GRIN1: variants seen among roughly 807,000 people sequenced by gnomAD.
The protein encoded by GRIN1 is glutamate ionotropic receptor NMDA type subunit 1, also known as glutamate receptor ionotropic, NMDA 1.
GRIN1 carries 38 observed loss-of-function variants against 103.0 expected under a neutral mutation model. That is an observed-to-expected ratio of 0.37 (90% confidence interval 0.28 to 0.48). The LOEUF is 0.48. GRIN1 is among the 20% of genes least tolerant of loss of function. The probability of loss-of-function intolerance (pLI) is 0.98; values close to 1 mark genes in which losing one functional copy is unlikely to be tolerated. For missense variants in GRIN1, 577 were observed against 1,288.9 expected (o/e 0.45, Z 8.46); for synonymous variants, 544 against 532.7 (o/e 1.02, Z -0.29).
intron 19 of GRIN1, among the ~76,000 whole-genome samples, chr9:137,165,918 G>A (rs1345733890): frequency 2.6e-5 from 4 of 152,222 alleles, no homozygotes; most frequent in Non-Finnish European, 4.4e-5. Context: ...GCCTGGGTCC[G>A]TCTGGGTGGA....
At chr9:137,150,855 A>G (rs1251351851) in intron 4 of GRIN1, among the ~76,000 whole-genome samples, 3 of 145,368 alleles carry the variant, frequency 2.1e-5, no homozygotes, top group Non-Finnish European at 4.5e-5. Context: ...GCCAGATAAA[A>G]GCTCAGCCCA....
rs78165246 is a variant in GRIN1 at position 137,146,602 on chromosome 9, T to G, written c.570+700T>G. 2.0e-5 allele frequency among the ~76,000 whole-genome samples: 3 copies of G among 152,170 alleles called. No individual in the cohort carries two copies. In the East Asian group the frequency reaches 5.8e-4, roughly 30 times the overall value. ...GCTGCAGAGAGATCAGAGCTGGGAT[T>G]TGGGGGGGTCCGAGCGACCCCTTTC... On this transcript the variant is annotated intron_variant, in intron 3 of 19. Coordinates refer to ENST00000371561, the MANE Select transcript of GRIN1 (RefSeq NM_007327.4). This position sits in a 1 kb window ranked among gnomAD's most constrained non-coding sequence, Gnocchi z 6.7.
chr9:137,167,903 G>A lies in GRIN1; in HGVS notation c.*376G>A. The stretch of plus-strand genomic sequence containing the variant: ...GCCAAGGACACTGATGGGTCCTGCT[G>A]CTCGGGAAGGCCTGAGGGAAGCCCA... On this transcript the variant is annotated 3_prime_UTR_variant, in exon 20 of 20. Coordinates refer to ENST00000371561, the MANE Select transcript of GRIN1 (RefSeq NM_007327.4). 2 of 1,474,722 alleles carry A rather than the reference G, an allele frequency of 1.4e-6. No homozygotes were observed. The highest frequency in any genetic ancestry group is 4.6e-5 in the East Asian group (2 of 43,942). 91.4% of individuals were successfully genotyped at this position (1,474,722 alleles called of 1,614,324 possible).
At chr9:137,150,861 G>A (rs1323852499) in intron 4 of GRIN1, among the ~76,000 whole-genome samples, 1 of 124,514 alleles carries the variant, frequency 8.0e-6, no homozygotes, top group East Asian at 2.7e-4. Flanking sequence ...TAAAAGCTCA[G>A]CCCAGGGAAA....
intron 4 of GRIN1, among the ~76,000 whole-genome samples, chr9:137,154,237 G>A (rs1833087888): frequency 6.7e-6 from 1 of 149,122 alleles, no homozygotes; most frequent in Admixed American, 6.7e-5. Context: ...TGATTCTCGT[G>A]CCTCAGCCTC....
At chr9:137,161,878 C>A in intron 10 of GRIN1, 46 bp from the exon 11 acceptor site, 1 of 1,542,352 alleles carries the variant, frequency 6.5e-7, no homozygotes, top group Non-Finnish European at 8.7e-7. Context: ...GTGGCGGGAG[C>A]TGGGAGGACG....
At chr9:137,149,822 A>G (rs1171921744) in intron 4 of GRIN1, among the ~76,000 whole-genome samples, 1 of 152,218 alleles carries the variant, frequency 6.6e-6, no homozygotes, top group Non-Finnish European at 1.5e-5. Context: ...CTAGGCTCCA[A>G]CAGAGCGGAG....
At chr9:137,147,879 G>A (rs910293404) in intron 3 of GRIN1, among the ~76,000 whole-genome samples, 1 of 152,148 alleles carries the variant, frequency 6.6e-6, no homozygotes. Flanking sequence ...AACGGTGGAC[G>A]CGGACAGGGC....
In GRIN1 at chr9:137,139,383, G is replaced by T. The variant is rs1393135291; in HGVS notation, c.-104G>T. 5 of 726,090 alleles carry T rather than the reference G, an allele frequency of 6.9e-6. No homozygotes were observed. The African/African-American group carries it at 9.3e-5, about 14-fold the overall frequency. The allele number at this position is 726,090 out of a possible 1,614,324, so 45.0% of individuals were successfully genotyped here. A position where few individuals can be genotyped will look rare whatever the true frequency, so the allele number is the denominator to read the frequency against. On this transcript the variant is annotated 5_prime_UTR_variant, in exon 1 of 20. Coordinates refer to ENST00000371561, the MANE Select transcript of GRIN1 (RefSeq NM_007327.4). This position sits in a 1 kb window ranked among gnomAD's most constrained non-coding sequence, Gnocchi z 7.7. Reference sequence around the variant, plus strand: ...CTCCGGGGGAGACGTGGCGTCCGCAGCCCGCGGGGCCGGGCGAGCGCAGGA... The same window carrying T: ...CTCCGGGGGAGACGTGGCGTCCGCATCCCGCGGGGCCGGGCGAGCGCAGGA...
Position 137,167,416 on chromosome 9 carries a change from C to G in GRIN1, c.2706C>G (p.Thr902=), listed in dbSNP as rs1285040423. 6.4e-7 allele frequency: 1 copy of G among 1,559,202 alleles called. No individual in the cohort carries two copies. The highest frequency in any genetic ancestry group is 8.7e-7 in the Non-Finnish European group (1 of 1,151,462). ...TTGTTGGTTCTTATTTATAGAGCAC[C>G]GGGGGTGGACGCGGCGCTTTGCAAA... ...KRRRSSKDTS[T]GGGRGALQNQ... is the part of the protein sequence containing the mutation. Residue 902 remains threonine, a synonymous_variant, in exon 20 of 20, where the codon ACC becomes ACG. Transcript: ENST00000371561.
At position 137,139,453 on chromosome 9, in the gene GRIN1, G is replaced by T. The variant is rs1832045162; in HGVS notation, c.-34G>T. 5 of 1,460,568 alleles carry T rather than the reference G, an allele frequency of 3.4e-6. No individual in the cohort carries two copies. The South Asian group carries it at 6.8e-5, about 20-fold the overall frequency. 90.5% of individuals were successfully genotyped at this position (1,460,568 alleles called of 1,614,324 possible). ...GGGATGCGCCGAGGGCCCCGCGTTC[G>T]CGCCGCGCAGAGCCAGGCCCGCGGC... On this transcript the variant is annotated 5_prime_UTR_variant, in exon 1 of 20. Transcript: ENST00000371561. This position sits in a 1 kb window ranked among gnomAD's most constrained non-coding sequence, Gnocchi z 7.7.
Position 137,147,834 on chromosome 9 carries a change from C to T in GRIN1, c.571-1175C>T, listed in dbSNP as rs547297490. On this transcript the variant is annotated intron_variant, in intron 3 of 19. Coordinates refer to ENST00000371561, the MANE Select transcript of GRIN1 (RefSeq NM_007327.4). ...CTGCTGGGGCCACACAGCAGGTGCA[C>T]GGCAGGGTGGGGGCGGCAGGTGGGG... Among the ~76,000 whole-genome samples the T allele has an allele frequency of 9.2e-5, 14 of 152,350 alleles. No individual in the cohort carries two copies. The East Asian group carries it at 1.2e-3, about 13-fold the overall frequency.
intron 1 of GRIN1, among the ~76,000 whole-genome samples, chr9:137,140,311 G>A (rs1832098122): frequency 6.6e-6 from 1 of 152,198 alleles, no homozygotes; most frequent in Non-Finnish European, 1.5e-5. Context: ...CGCTGCGGGG[G>A]AGGACGTGGC....
intron 4 of GRIN1, among the ~76,000 whole-genome samples, chr9:137,155,581 G>T (rs1833168978): frequency 6.9e-6 from 1 of 145,838 alleles, no homozygotes; most frequent in African/African-American, 2.4e-5. Context: ...CAACCCTGCT[G>T]CCCATGTCTG....
chr9:137,146,641 C>G lies in GRIN1; in HGVS notation c.570+739C>G, dbSNP rs112773670. Among the ~76,000 whole-genome samples the G allele has an allele frequency of 6.7e-3, 1,019 of 152,316 alleles. 14 individuals are homozygous for G. The highest frequency in any genetic ancestry group is 0.023 in the African/African-American group (966 of 41,570). On this transcript the variant is annotated intron_variant, in intron 3 of 19. Transcript: ENST00000371561. This position sits in a 1 kb window ranked among gnomAD's most constrained non-coding sequence, Gnocchi z 6.7. ...GCGACCCCTTTCCCCTTCCTTACCA[C>G]TCCCATTTGCAGTCTGGGGCAGAGC...
intron 2 of GRIN1, among the ~76,000 whole-genome samples, chr9:137,144,079 A>G (rs1564342436): frequency 6.6e-6 from 1 of 152,166 alleles, no homozygotes; most frequent in Non-Finnish European, 1.5e-5. Context: ...GGGCAGCCCC[A>G]GGGGGATCTT....
chr9:137,168,586 C>T lies in GRIN1; in HGVS notation c.*1059C>T. 1 of 308,574 alleles carries T rather than the reference C, an allele frequency of 3.2e-6. No homozygotes were observed. The highest frequency in any genetic ancestry group is 5.9e-6 in the Non-Finnish European group (1 of 170,328). The allele number at this position is 308,574 out of a possible 1,614,324, so 19.1% of individuals were successfully genotyped here. A position where few individuals can be genotyped will look rare whatever the true frequency, so the allele number is the denominator to read the frequency against. On this transcript the variant is annotated 3_prime_UTR_variant, in exon 20 of 20. Transcript: ENST00000371561. ...CCCGCCCTCGCTCCGGGTGCGTGAC[C>T]GGCCCGCCACCTTGTACAGAACCAG...
At chr9:137,154,234 C>T (rs1298173804) in intron 4 of GRIN1, among the ~76,000 whole-genome samples, 1 of 150,398 alleles carries the variant, frequency 6.6e-6, no homozygotes, top group African/African-American at 2.5e-5. Flanking sequence ...AAGTGATTCT[C>T]GTGCCTCAGC....
chr9:137,165,037 C>T, intron 18 of GRIN1, 149 bp from the exon 19 acceptor site: 1 of 725,956 alleles, frequency 1.4e-6, no homozygotes, highest in East Asian at 2.5e-5. Flanking sequence ...CGAACGTCCG[C>T]TGTCGGCCCG....
Sources: allele counts gnomAD v4.1 joint callset (sites outside exome capture counted in the v4.1 genomes callset), GRCh38; gene constraint gnomAD v4.1.1; non-coding constraint Gnocchi (gnomAD v3.1); transcripts MANE v1.5; gene names NCBI Gene and HGNC (gene_info 2026-07-23, HGNC 2026-07-21).